The following TOX variants were observed in gnomAD, a reference collection of about 807,000 sequenced individuals.
The protein encoded by TOX is thymocyte selection-associated high mobility group box protein TOX.
A neutral mutation model predicts 53.7 loss-of-function variants in TOX; 11 were observed. The observed-to-expected ratio is 0.20, with a 90% confidence interval of 0.13 to 0.34. TOX has a LOEUF of 0.34. Ranked by LOEUF, TOX falls within the 10% of genes least tolerant of loss-of-function variation. The pLI is 1.00. For synonymous variants in TOX, 225 were observed against 245.3 expected (o/e 0.92, Z 0.77); for missense variants, 570 against 664.6 (o/e 0.86, Z 1.56).
chr8:58,864,208 T>C lies in TOX; in HGVS notation c.412-12403A>G, dbSNP rs16924135. ...AGTTTAAAACCTCAAAAATTCAACATACAATCAAATTATACTTTAAAAAAT... is the reference window on the plus strand; with the variant it reads ...AGTTTAAAACCTCAAAAATTCAACACACAATCAAATTATACTTTAAAAAAT... On this transcript the variant is annotated intron_variant, in intron 3 of 8. Transcript: ENST00000361421. Among the ~76,000 whole-genome samples the C allele has an allele frequency of 6.0e-3, 913 of 152,252 alleles. 8 individuals are homozygous for C. Among genetic ancestry groups the C allele is most frequent in the African/African-American group, 0.021 (868 of 41,546 alleles).
rs943101455 is a variant in TOX at position 58,825,240 on chromosome 8, T to C, written c.1005+1582A>G. Reference sequence around the variant, plus strand: ...ATGTTTGTAACTTTCCTTCAATTTGTATACACACAATAGATGGTTGTACAT... The same window carrying C: ...ATGTTTGTAACTTTCCTTCAATTTGCATACACACAATAGATGGTTGTACAT... On this transcript the variant is annotated intron_variant, in intron 6 of 8. Transcript: ENST00000361421. Among the ~76,000 whole-genome samples, 3 of 152,188 alleles carry C rather than the reference T, an allele frequency of 2.0e-5. No individual in the cohort carries two copies. The South Asian group carries it at 6.2e-4, about 32-fold the overall frequency.
chr8:58,976,749 A>G (rs10113487), intron 1 of TOX, among the ~76,000 whole-genome samples: 144,317 of 152,352 alleles, frequency 0.95, 68,423 homozygotes, highest in East Asian at 1. Context: ...TGTTATGCTA[A>G]CAGGCACGAA....
intron 6 of TOX, among the ~76,000 whole-genome samples, chr8:58,817,723 G>T (rs1400232642): frequency 6.6e-6 from 1 of 152,100 alleles, no homozygotes; most frequent in African/African-American, 2.4e-5. Flanking sequence ...ATACCAGAAA[G>T]AAATCATATT....
chr8:58,941,662 T>C (rs1195072063), intron 2 of TOX, among the ~76,000 whole-genome samples: 1 of 152,192 alleles, frequency 6.6e-6, no homozygotes, highest in African/African-American at 2.4e-5. Flanking sequence ...GCCCACCCAC[T>C]GAAATTATAT....
At position 58,807,627 on chromosome 8, in the gene TOX, C is replaced by T. The variant is rs2129163461; in HGVS notation, c.*120G>A. The T allele has an allele frequency of 1.7e-6, 2 of 1,160,600 alleles. No individual in the cohort carries two copies. The highest frequency in any genetic ancestry group is 2.4e-5 in the East Asian group (1 of 40,998). The allele number at this position is 1,160,600 out of a possible 1,614,324, so 71.9% of individuals were successfully genotyped here. ...GGGTGACCCACAAGCTCAAATGGTC[C>T]TAAGTGCTTAGCAACTTGTATTTTC... On this transcript the variant is annotated 3_prime_UTR_variant, in exon 9 of 9. Coordinates refer to ENST00000361421, the MANE Select transcript of TOX (RefSeq NM_014729.3).
chr8:58,980,004 T>A (rs1346184051), intron 1 of TOX, among the ~76,000 whole-genome samples: 1 of 152,220 alleles, frequency 6.6e-6, no homozygotes, highest in East Asian at 1.9e-4. Context: ...TTGGGGATGA[T>A]GAAAATGTTC....
intron 3 of TOX, among the ~76,000 whole-genome samples, chr8:58,914,685 T>A (rs1811971599): frequency 6.6e-6 from 1 of 152,108 alleles, no homozygotes. Context: ...AAATTAAGAA[T>A]CTCTGGGGAG....
rs149771388 is a variant in TOX, at chr8:59,117,990, C to T, written c.102+896G>A. Among the ~76,000 whole-genome samples the T allele has an allele frequency of 6.0e-4, 92 of 152,310 alleles. No homozygotes were observed. The highest frequency in any genetic ancestry group is 2.2e-3 in the African/African-American group (90 of 41,574). On this transcript the variant is annotated intron_variant, in intron 1 of 8. Transcript: ENST00000361421. The surrounding 1 kb of genome is among the most constrained non-coding windows in gnomAD (Gnocchi z 4.6). ...TTCGAGAAGCCGGGAGAGTAACCCCCTCCCTCGTACCCCCTGACTGTCCTA... is the reference window on the plus strand; with the variant it reads ...TTCGAGAAGCCGGGAGAGTAACCCCTTCCCTCGTACCCCCTGACTGTCCTA...
At chr8:58,962,795 C>T (rs988182699) in intron 1 of TOX, among the ~76,000 whole-genome samples, 1 of 151,960 alleles carries the variant, frequency 6.6e-6, no homozygotes, top group Non-Finnish European at 1.5e-5. Context: ...TTTTAAGTGT[C>T]GTGAGGAGCT....
At chr8:59,087,145 T>G (rs187519787) in intron 1 of TOX, among the ~76,000 whole-genome samples, 1 of 152,318 alleles carries the variant, frequency 6.6e-6, no homozygotes, top group Admixed American at 6.5e-5. Context: ...TTTAAAGATT[T>G]CTATATCTAA....
chr8:58,896,147 G>A (rs1346634982), intron 3 of TOX, among the ~76,000 whole-genome samples: 1 of 152,054 alleles, frequency 6.6e-6, no homozygotes, highest in Non-Finnish European at 1.5e-5. Context: ...GTCAAAAAGT[G>A]GGATAAAATC....
chr8:59,085,617 G>A (rs1804493597), intron 1 of TOX, among the ~76,000 whole-genome samples: 1 of 152,066 alleles, frequency 6.6e-6, no homozygotes, highest in South Asian at 2.1e-4. Flanking sequence ...CAAACTCCTG[G>A]GCTTAAACAA....
At chr8:58,860,775 G>A (rs1192578030) in intron 3 of TOX, among the ~76,000 whole-genome samples, 1 of 152,132 alleles carries the variant, frequency 6.6e-6, no homozygotes, top group Non-Finnish European at 1.5e-5. Context: ...CTTATAACCT[G>A]GGTTTTAATA....
chr8:59,017,269 T>A (rs1380615847), intron 1 of TOX, among the ~76,000 whole-genome samples: 7 of 152,260 alleles, frequency 4.6e-5, no homozygotes. Flanking sequence ...ATTCTATATG[T>A]AAATGAAATT....
intron 3 of TOX, among the ~76,000 whole-genome samples, chr8:58,908,823 T>A (rs915410022): frequency 6.6e-6 from 1 of 152,326 alleles, no homozygotes; most frequent in African/African-American, 2.4e-5. Context: ...TCTCAATCTG[T>A]CTCTAGGGAC....
chr8:59,023,037 TAAATTATGA>T (rs1814164891), intron 1 of TOX, among the ~76,000 whole-genome samples: 1 of 152,214 alleles, frequency 6.6e-6, no homozygotes, highest in Non-Finnish European at 1.5e-5. Flanking sequence ...CAGTCACATT[TAAATTATGA>T]AAATCTCAGT....
chr8:59,021,327 T>C (rs986524601), intron 1 of TOX, among the ~76,000 whole-genome samples: 11 of 148,976 alleles, frequency 7.4e-5, no homozygotes, highest in South Asian at 4.3e-4. Flanking sequence ...GAGGGGGAGG[T>C]TGGAGAAAGA....
At chr8:59,047,225 T>C in intron 1 of TOX, among the ~76,000 whole-genome samples, 1 of 131,470 alleles carries the variant, frequency 7.6e-6, no homozygotes, top group Non-Finnish European at 1.6e-5. Context: ...TTTTTTTTTT[T>C]TTTTTTTTTG....
intron 1 of TOX, among the ~76,000 whole-genome samples, chr8:59,104,765 C>T (rs569451493): frequency 6.6e-6 from 1 of 152,258 alleles, no homozygotes; most frequent in East Asian, 1.9e-4. Context: ...TTAGGAGTAA[C>T]TTTCCCCTTC....
Sources: allele counts gnomAD v4.1 joint callset (sites outside exome capture counted in the v4.1 genomes callset), GRCh38; gene constraint gnomAD v4.1.1; non-coding constraint Gnocchi (gnomAD v3.1); transcripts MANE v1.5; gene names NCBI Gene and HGNC (gene_info 2026-07-23, HGNC 2026-07-21).